ESYT2: variants seen among roughly 807,000 people sequenced by gnomAD.
ESYT2 encodes extended synaptotagmin 2.
Under a neutral mutation model 107.2 loss-of-function variants are expected in ESYT2, and 54 were observed. That is an observed-to-expected ratio of 0.50 (90% CI 0.40 to 0.63). The LOEUF (loss-of-function observed/expected upper bound fraction) is 0.63, where lower values mean the gene tolerates loss of function less well. Ranked by LOEUF, ESYT2 falls within the 30% of genes least tolerant of loss-of-function variation. The pLI, the probability that ESYT2 is intolerant of heterozygous loss-of-function variation, is 0.00. For missense variants in ESYT2, 1,020 were observed against 1,094.5 expected, an observed-to-expected ratio of 0.93 and a Z score of 0.96; for synonymous variants, 491 against 434.1, an observed-to-expected ratio of 1.13 and a Z score of -1.63.
Position 158,748,159 on chromosome 7 carries a change from G to T in ESYT2, c.1644+35C>A, listed in dbSNP as rs111834069. 9.3e-4 allele frequency: 1,483 copies of T among 1,586,906 alleles called. 11 individuals are homozygous for T. The African/African-American group carries it at 0.018, about 19-fold the overall frequency. ...GTATACTTTAAAAAGTCAATTATTTGTCAATAAATTGGTTAAAAAATGCAA... is the reference window on the plus strand; with the variant it reads ...GTATACTTTAAAAAGTCAATTATTTTTCAATAAATTGGTTAAAAAATGCAA... On this transcript the variant is annotated intron_variant, in intron 16 of 22. Coordinates refer to ENST00000275418, the MANE Select transcript of ESYT2 (RefSeq NM_001367773.1).
At chr7:158,818,373 G>A (rs951666482) in intron 1 of ESYT2, among the ~76,000 whole-genome samples, 1 of 152,208 alleles carries the variant, frequency 6.6e-6, no homozygotes, top group African/African-American at 2.4e-5. Context: ...ATACAGAGAG[G>A]AAGAGAAAGT....
rs987437502 is a variant in ESYT2, at chr7:158,737,190, A to G, written c.2268-11T>C. 3.1e-6 allele frequency: 5 copies of G among 1,613,198 alleles called. No individual in the cohort carries two copies. The African/African-American group carries it at 5.3e-5, about 17-fold the overall frequency. ...AAGGCAATGAGGTTTCTTACAACAC[A>G]AACCAGATAAGACGAGGTATTAGGA... On this transcript the variant is annotated splice_polypyrimidine_tract_variant and intron_variant, in intron 19 of 22. Transcript: ENST00000275418.
At chr7:158,743,848 A>C (rs1318917054) in intron 16 of ESYT2, 170 bp from the exon 17 acceptor site, 2 of 628,352 alleles carry the variant, frequency 3.2e-6, no homozygotes, top group Non-Finnish European at 5.0e-6. Flanking sequence ...TGGGAGGCTC[A>C]GATCACCTGA....
chr7:158,775,113 T>C (rs1838508590), intron 6 of ESYT2, among the ~76,000 whole-genome samples: 1 of 152,242 alleles, frequency 6.6e-6, no homozygotes, highest in South Asian at 2.1e-4. Context: ...ACACATTTTT[T>C]GGTTTCCCAA....
At chr7:158,803,362 G>A (rs969643463) in intron 1 of ESYT2, among the ~76,000 whole-genome samples, 1 of 152,140 alleles carries the variant, frequency 6.6e-6, no homozygotes, top group Non-Finnish European at 1.5e-5. Context: ...AGAGAACCTC[G>A]GTTCTACAAG....
At chr7:158,771,559 T>C (rs2129472495) in intron 7 of ESYT2, among the ~76,000 whole-genome samples, 1 of 152,336 alleles carries the variant, frequency 6.6e-6, no homozygotes, top group South Asian at 2.1e-4. Context: ...GCAGACTAAA[T>C]GCTTGTAGCT....
chr7:158,758,734 A>G (rs972703351), intron 13 of ESYT2, among the ~76,000 whole-genome samples: 3 of 152,188 alleles, frequency 2.0e-5, no homozygotes, highest in African/African-American at 7.2e-5. Context: ...ATCAAACAAG[A>G]TGACATGACT....
chr7:158,788,917 G>A (rs1328167157), intron 4 of ESYT2, among the ~76,000 whole-genome samples: 1 of 152,202 alleles, frequency 6.6e-6, no homozygotes, highest in African/African-American at 2.4e-5. Context: ...ACTAGAAACA[G>A]TGTATCTGTT....
intron 1 of ESYT2, among the ~76,000 whole-genome samples, chr7:158,819,998 A>C (rs1363827909): frequency 3.3e-5 from 5 of 152,024 alleles, no homozygotes; most frequent in African/African-American, 1.2e-4. Flanking sequence ...ATCCGAAAGG[A>C]CACTGCTGCT....
At chr7:158,804,347 G>A in intron 1 of ESYT2, among the ~76,000 whole-genome samples, 1 of 146,476 alleles carries the variant, frequency 6.8e-6, no homozygotes, top group Non-Finnish European at 1.5e-5. Flanking sequence ...AGAAGGGTGA[G>A]GCGCGTGACA....
intron 10 of ESYT2, 101 bp downstream of exon 10, chr7:158,762,982 G>A: frequency 1.4e-6 from 1 of 722,138 alleles, no homozygotes; most frequent in Non-Finnish European, 2.2e-6. Flanking sequence ...TTAATGAATA[G>A]ACAACAAGTA....
At chr7:158,795,224 A>T (rs1206238967) in intron 3 of ESYT2, among the ~76,000 whole-genome samples, 1 of 152,230 alleles carries the variant, frequency 6.6e-6, no homozygotes, top group East Asian at 1.9e-4. Flanking sequence ...TTCATCAGAA[A>T]GCCTGGGTTT....
chr7:158,796,594 G>A (rs901843120), intron 3 of ESYT2, among the ~76,000 whole-genome samples: 1 of 152,246 alleles, frequency 6.6e-6, no homozygotes, highest in Non-Finnish European at 1.5e-5. Context: ...ACAGAAGAAC[G>A]TGGAGCAGAA....
intron 10 of ESYT2, among the ~76,000 whole-genome samples, 154 bp from the exon 11 acceptor site, chr7:158,761,698 T>C (rs912904258): frequency 6.6e-6 from 1 of 152,164 alleles, no homozygotes; most frequent in Admixed American, 6.5e-5. Flanking sequence ...GCTAATAATT[T>C]ATCAAGGAAC....
At chr7:158,814,287 T>TA (rs1840078366) in intron 1 of ESYT2, among the ~76,000 whole-genome samples, 1 of 66,936 alleles carries the variant, frequency 1.5e-5, no homozygotes, top group Non-Finnish European at 2.7e-5. Flanking sequence ...AAAAAAAAAA[T>TA]TATATATATA....
chr7:158,814,437 CA>C (rs1302783552), intron 1 of ESYT2, among the ~76,000 whole-genome samples: 1 of 150,904 alleles, frequency 6.6e-6, no homozygotes, highest in Admixed American at 6.6e-5. Flanking sequence ...TCTCACAGAT[CA>C]AAAACGTTTT....
chr7:158,765,026 A>G lies in ESYT2; in HGVS notation c.925-173T>C, dbSNP rs929777486. On this transcript the variant is annotated intron_variant, in intron 8 of 22. Transcript: ENST00000275418. ...GGGGAAATGCAAGTGTGTATAGGAGAAGCAGGTGCTGAGACAAACAAGAGC... is the reference window on the plus strand; with the variant it reads ...GGGGAAATGCAAGTGTGTATAGGAGGAGCAGGTGCTGAGACAAACAAGAGC... Among the ~76,000 whole-genome samples the G allele has an allele frequency of 7.2e-5, 11 of 152,254 alleles. 1 individual carries two copies. Among genetic ancestry groups the G allele is most frequent in the Admixed American group, 7.2e-4 (11 of 15,290 alleles).
intron 6 of ESYT2, among the ~76,000 whole-genome samples, chr7:158,776,856 T>C (rs926870650): frequency 2.1e-5 from 3 of 141,268 alleles, no homozygotes; most frequent in South Asian, 2.3e-4. Context: ...CTAGCTTCGC[T>C]TTTTTTTTTT....
chr7:158,801,845 A>G (rs1839657443), intron 1 of ESYT2, among the ~76,000 whole-genome samples: 1 of 152,222 alleles, frequency 6.6e-6, no homozygotes, highest in East Asian at 1.9e-4. Flanking sequence ...TGCTATTACC[A>G]AAGTTGTTTT....
Sources: allele counts gnomAD v4.1 joint callset (sites outside exome capture counted in the v4.1 genomes callset), GRCh38; gene constraint gnomAD v4.1.1; transcripts MANE v1.5; gene names NCBI Gene and HGNC (gene_info 2026-07-23, HGNC 2026-07-21).